Variants in USP8 observed in about 807,000 individuals in gnomAD.
USP8 encodes ubiquitin carboxyl-terminal hydrolase 8.
Under a neutral mutation model 130.0 loss-of-function variants are expected in USP8, and 27 were observed. The observed-to-expected ratio is 0.21, with a 90% confidence interval of 0.15 to 0.29. The LOEUF (loss-of-function observed/expected upper bound fraction) is 0.29, where lower values mean the gene tolerates loss of function less well. Among genes scored for constraint, USP8 ranks in the 10% least tolerant of loss-of-function variants. The pLI, the probability that USP8 is intolerant of heterozygous loss-of-function variation, is 1.00. For missense variants in USP8, 1,029 were observed against 1,312.2 expected (o/e 0.78, Z 3.33); for synonymous variants, 392 against 444.1 (o/e 0.88, Z 1.48).
rs1165292662 is a variant in USP8, at chr15:50,492,698, C to T, written c.2235-3C>T. On this transcript the variant is annotated splice_polypyrimidine_tract_variant and splice_region_variant and intron_variant, in intron 14 of 19. Coordinates refer to ENST00000307179, the MANE Select transcript of USP8 (RefSeq NM_005154.5). ...GACATCTTGTATCCTTTTTCTTCCT[C>T]AGGCCAACATGTTATCCTAAAGCTG... 5 of 1,610,716 alleles carry T rather than the reference C, an allele frequency of 3.1e-6. No homozygotes were observed. The South Asian group carries it at 4.4e-5, about 14-fold the overall frequency.
chr15:50,436,538 G>T (rs1445445465), intron 1 of USP8, among the ~76,000 whole-genome samples: 1 of 152,072 alleles, frequency 6.6e-6, no homozygotes, highest in Non-Finnish European at 1.5e-5. Context: ...TCACTTTGTT[G>T]CCCAGGCTGG....
At chr15:50,483,107 C>T (rs2051834459) in intron 11 of USP8, among the ~76,000 whole-genome samples, 1 of 152,200 alleles carries the variant, frequency 6.6e-6, no homozygotes, top group African/African-American at 2.4e-5. Context: ...TGAGTAGCTA[C>T]TATATGCCAA....
chr15:50,489,995 C>A, intron 13 of USP8, 114 bp downstream of exon 13: 2 of 960,578 alleles, frequency 2.1e-6, no homozygotes, highest in Non-Finnish European at 3.0e-6. Context: ...TTATAGAGAA[C>A]ATAGCTTATT....
rs143070181 is a variant in USP8, at chr15:50,476,864, G to A, written c.865G>A (p.Val289Ile). The A allele has an allele frequency of 6.3e-6, 10 of 1,583,524 alleles. No homozygotes were observed. Among genetic ancestry groups the A allele is most frequent in the African/African-American group, 2.7e-5 (2 of 72,872 alleles). The change falls in exon 9 of 20, where the codon GTC becomes ATC. Residue 289 changes from valine (V) to isoleucine (I), a missense_variant. By Grantham distance (29) the Val-to-Ile change is conservative. Transcript: ENST00000307179. ...TTATTTATAGTGGGAAAGTAAAACT[G>A]TCCTGCGCAATGAGCCTTTGGTTTT... Reference protein sequence around the residue: ...DALFKWESKTVLRNEPLVLEG... With the variant: ...DALFKWESKTILRNEPLVLEG...
At chr15:50,491,158 T>C (rs2052146865) in intron 14 of USP8, among the ~76,000 whole-genome samples, 1 of 152,194 alleles carries the variant, frequency 6.6e-6, no homozygotes, top group African/African-American at 2.4e-5. Context: ...ATGATTTAAG[T>C]CTGTGTACCA....
chr15:50,478,049 T>G (rs2051631493), intron 10 of USP8, among the ~76,000 whole-genome samples: 1 of 152,228 alleles, frequency 6.6e-6, no homozygotes, highest in Admixed American at 6.5e-5. Context: ...ATCCATTTGC[T>G]ACAAACAATG....
Position 50,492,710 on chromosome 15 carries a change from T to C in USP8, c.2244T>C (p.Cys748=), listed in dbSNP as rs1403036437. The C allele has an allele frequency of 6.2e-7, 1 of 1,608,740 alleles. No individual in the cohort carries two copies. The highest frequency in any genetic ancestry group is 8.5e-7 in the Non-Finnish European group (1 of 1,176,966). ...CCTTTTTCTTCCTCAGGCCAACATG[T>C]TATCCTAAAGCTGAGATCTCAAGGC... is the stretch of plus-strand genomic sequence containing the variant. ...PTVNRENKPT[C]YPKAEISRLS... The change falls in exon 15 of 20, where the codon TGT becomes TGC. Residue 748 remains cysteine (C), a synonymous_variant. Transcript: ENST00000307179.
At chr15:50,494,330 G>A in intron 16 of USP8, 50 bp downstream of exon 16, 1 of 1,483,350 alleles carries the variant, frequency 6.7e-7, no homozygotes, top group Non-Finnish European at 9.1e-7. Context: ...GGGTTGCTCA[G>A]TAGCACTGTA....
intron 10 of USP8, 87 bp from the exon 11 acceptor site, chr15:50,481,394 A>C: frequency 1.0e-6 from 1 of 989,004 alleles, no homozygotes; most frequent in Non-Finnish European, 1.4e-6. Context: ...ACAAAGTGAC[A>C]CTTCTTTTAT....
chr15:50,488,790 C>T (rs1366001650), intron 12 of USP8, among the ~76,000 whole-genome samples: 4 of 151,160 alleles, frequency 2.6e-5, no homozygotes, highest in Non-Finnish European at 5.9e-5. Flanking sequence ...CCAGGCTGGT[C>T]TCGAACTCCT....
At chr15:50,462,231 T>G (rs1247597998) in intron 5 of USP8, 49 bp from the exon 6 acceptor site, 3 of 1,542,268 alleles carry the variant, frequency 1.9e-6, no homozygotes, top group Non-Finnish European at 2.7e-6. Flanking sequence ...TAAAGTTGAA[T>G]TTTTTGTGTC....
intron 7 of USP8, 136 bp downstream of exon 7, chr15:50,465,327 C>A: frequency 7.0e-6 from 2 of 285,608 alleles, no homozygotes; most frequent in Non-Finnish European, 1.2e-5. Context: ...ATCTTTGCCT[C>A]TTTTTATGTG....
At chr15:50,489,386 A>T (rs1384569961) in intron 12 of USP8, 1 of 155,516 alleles carries the variant, frequency 6.4e-6, no homozygotes, top group African/African-American at 2.4e-5. Context: ...TAAAGAATAC[A>T]TTAGGTTTAT....
Position 50,490,114 on chromosome 15 carries a change from C to T in USP8, c.1972-149C>T, listed in dbSNP as rs972876297. 1.6e-5 allele frequency: 15 copies of T among 959,232 alleles called. No homozygotes were observed. In the African/African-American group the frequency reaches 2.3e-4, roughly 15 times the overall value. 59.4% of individuals were successfully genotyped at this position (959,232 alleles called of 1,614,324 possible). A position where few individuals can be genotyped will look rare whatever the true frequency, so the allele number is the denominator to read the frequency against. The stretch of plus-strand genomic sequence containing the variant: ...TTAGAAATAGTGTATTACTTTAAAA[C>T]CTAAATTTCTTTTGAAGTTTATCGC... On this transcript the variant is annotated intron_variant, in intron 13 of 19. Transcript: ENST00000307179.
chr15:50,427,920 T>A (rs2049797781), intron 1 of USP8, among the ~76,000 whole-genome samples: 1 of 151,490 alleles, frequency 6.6e-6, no homozygotes, highest in South Asian at 2.1e-4. Flanking sequence ...TGCAGTGGCA[T>A]GACCTTGGCT....
At chr15:50,433,715 C>T (rs1439490021) in intron 1 of USP8, among the ~76,000 whole-genome samples, 1 of 152,132 alleles carries the variant, frequency 6.6e-6, no homozygotes, top group African/African-American at 2.4e-5. Context: ...GTGCCATTCT[C>T]CTGCCTCAGC....
chr15:50,495,488 G>T (rs535330043), intron 16 of USP8, among the ~76,000 whole-genome samples: 7 of 148,484 alleles, frequency 4.7e-5, no homozygotes, highest in South Asian at 2.2e-4. Context: ...GAGATTGGAG[G>T]GGGGGGTCTC....
In USP8 at chr15:50,481,752, A is replaced by G; in HGVS notation, c.1490A>G (p.Glu497Gly). 6.3e-7 allele frequency: 1 copy of G among 1,590,300 alleles called. No homozygotes were observed. The highest frequency in any genetic ancestry group is 8.5e-7 in the Non-Finnish European group (1 of 1,170,468). The change falls in exon 11 of 20, where the codon GAA becomes GGA. Residue 497 changes from glutamate to glycine, a missense_variant. Glu to Gly is a moderately conservative substitution (Grantham distance 98). Around this residue, in one of 4 missense-constraint regions of USP8, gnomAD observed 486 missense variants for 522.0 expected, o/e 0.93. Coordinates refer to ENST00000307179, the MANE Select transcript of USP8 (RefSeq NM_005154.5). ...GAACAGAAAGAGAAACTGAGGAAGGAAGAACAAGAACAAAAAGCCAAAAAG... is the reference window on the plus strand; with the variant it reads ...GAACAGAAAGAGAAACTGAGGAAGGGAGAACAAGAACAAAAAGCCAAAAAG... ...QEEQKEKLRK[E>G]EQEQKAKKKQ...
intron 4 of USP8, among the ~76,000 whole-genome samples, chr15:50,456,683 C>T (rs1275361548): frequency 1.3e-5 from 2 of 151,968 alleles, no homozygotes; most frequent in Non-Finnish European, 2.9e-5. Context: ...ACCAGGAGTT[C>T]GAGACCAGCC....
Sources: gnomAD v4.1 joint callset for allele counts (sites outside exome capture counted in the v4.1 genomes callset) on GRCh38, gnomAD v4.1.1 for gene constraint, gnomAD v4.1.1 regional missense constraint, MANE v1.5 for transcripts, NCBI Gene and HGNC (gene_info 2026-07-23, HGNC 2026-07-21) for gene names.